The following PRDX3 variants were observed in gnomAD, a reference collection of about 807,000 sequenced individuals.
The protein encoded by PRDX3 is peroxiredoxin 3, also known as thioredoxin-dependent peroxide reductase, mitochondrial.
In PRDX3, 20 loss-of-function variants were observed where a neutral mutation model predicts 30.4. That is an observed-to-expected ratio of 0.66 (90% CI 0.46 to 0.96). PRDX3 has a LOEUF of 0.96. Ranked by LOEUF, PRDX3 falls within the 40% of genes least tolerant of loss-of-function variation. PRDX3 has a pLI of 0.00. For synonymous variants in PRDX3, 124 were observed against 117.8 expected (o/e 1.05, Z -0.34); for missense variants, 322 against 318.3 (o/e 1.01, Z -0.09).
chr10:119,173,835 C>T lies in PRDX3; in HGVS notation c.349G>A (p.Asp117Asn). The T allele has an allele frequency of 6.2e-7, 1 of 1,611,090 alleles. No individual in the cohort carries two copies. Among genetic ancestry groups the T allele is most frequent in the Non-Finnish European group, 8.5e-7 (1 of 1,177,814 alleles). ...ACGTCGTGAAATTCGTTAGCTTTGT[C>T]ACTAAAAGCAACAATTTCTGTAGGA... ...VCPTEIVAFS[D>N]KANEFHDVNC... Residue 117 changes from aspartate (D) to asparagine (N), a missense_variant, in exon 4 of 7, where the codon GAC becomes AAC. Asp to Asn is a conservative substitution (Grantham distance 23). Coordinates refer to ENST00000298510, the MANE Select transcript of PRDX3 (RefSeq NM_006793.5).
At chr10:119,171,778 C>T (rs533106096) in intron 5 of PRDX3, among the ~76,000 whole-genome samples, 5 of 152,334 alleles carry the variant, frequency 3.3e-5, no homozygotes, top group Non-Finnish European at 5.9e-5. Flanking sequence ...CAAAGTCACA[C>T]AGCTATTAAG....
chr10:119,177,727 G>A (rs1386449959), intron 1 of PRDX3, among the ~76,000 whole-genome samples: 3 of 140,164 alleles, frequency 2.1e-5, no homozygotes, highest in African/African-American at 8.3e-5. Context: ...GACTTGTGCA[G>A]GCTTTTCCCA....
In PRDX3 at chr10:119,176,164, A is replaced by G. The variant is rs563202482; in HGVS notation, c.169+857T>C. ...AAGGAATGGATGCAAGAGATGTGTC[A>G]AAACTGAAAAGGACTTGCTTCTACC... On this transcript the variant is annotated intron_variant, in intron 2 of 6. Coordinates refer to ENST00000298510, the MANE Select transcript of PRDX3 (RefSeq NM_006793.5). Among the ~76,000 whole-genome samples the G allele has an allele frequency of 2.0e-5, 3 of 152,290 alleles. No homozygotes were observed. In the South Asian group the frequency reaches 6.2e-4, roughly 32 times the overall value.
intron 2 of PRDX3, among the ~76,000 whole-genome samples, chr10:119,174,957 T>A (rs1355869718): frequency 6.6e-6 from 1 of 152,112 alleles, no homozygotes; most frequent in African/African-American, 2.4e-5. Context: ...AAAAAGACTT[T>A]GTGTTCAGTA....
rs1278467620 is a variant in PRDX3, at chr10:119,174,542, C to G, written c.220G>C (p.Gly74Arg). 1.9e-6 allele frequency: 3 copies of G among 1,611,454 alleles called. No homozygotes were observed. In the South Asian group the frequency reaches 3.3e-5, roughly 18 times the overall value. The change falls in exon 3 of 7, where the codon GGT becomes CGT. Residue 74 changes from glycine to arginine, a missense_variant. By Grantham distance (125) the Gly-to-Arg change is moderately radical. Coordinates refer to ENST00000298510, the MANE Select transcript of PRDX3 (RefSeq NM_006793.5). ...AACTCTCCATTGACAACGGCTGTACCCTTAAAATAGGGTGCATGCTGGGTG... is the reference window on the plus strand; with the variant it reads ...AACTCTCCATTGACAACGGCTGTACGCTTAAAATAGGGTGCATGCTGGGTG... ...AVTQHAPYFK[G>R]TAVVNGEFKD...
chr10:119,168,259 C>A lies in PRDX3; in HGVS notation c.*221G>T. ...TGTTCTGTAGAAACTAGCTAGCCAGCCACCAAGATGTTACCAATAAAGGAT... is the reference window on the plus strand; with the variant it reads ...TGTTCTGTAGAAACTAGCTAGCCAGACACCAAGATGTTACCAATAAAGGAT... On this transcript the variant is annotated 3_prime_UTR_variant, in exon 7 of 7. Transcript: ENST00000298510. The A allele has an allele frequency of 1.1e-6, 1 of 874,950 alleles. No homozygotes were observed. The highest frequency in any genetic ancestry group is 1.7e-5 in the African/African-American group (1 of 57,300). The allele number at this position is 874,950 out of a possible 1,614,324, so 54.2% of individuals were successfully genotyped here.
chr10:119,175,581 G>T lies in PRDX3; in HGVS notation c.170-989C>A, dbSNP rs35920416. ...CGGCTAATTTTTTGTATTTTTAGTAGAGATGGGGTTTCACCGTGTTAGCCA... is the reference window on the plus strand; with the variant it reads ...CGGCTAATTTTTTGTATTTTTAGTATAGATGGGGTTTCACCGTGTTAGCCA... On this transcript the variant is annotated intron_variant, in intron 2 of 6. Coordinates refer to ENST00000298510, the MANE Select transcript of PRDX3 (RefSeq NM_006793.5). Among the ~76,000 whole-genome samples, 1,169 of 152,044 alleles carry T rather than the reference G, an allele frequency of 7.7e-3. 20 individuals are homozygous for T. The highest frequency in any genetic ancestry group is 0.026 in the African/African-American group (1,098 of 41,470).
intron 5 of PRDX3, among the ~76,000 whole-genome samples, chr10:119,171,410 CT>C (rs1847905954): frequency 6.6e-6 from 1 of 152,160 alleles, no homozygotes; most frequent in Non-Finnish European, 1.5e-5. Context: ...GGGGGATCCC[CT>C]CTCTTCCTTC....
intron 2 of PRDX3, among the ~76,000 whole-genome samples, chr10:119,175,864 C>T (rs1376846434): frequency 6.7e-6 from 1 of 149,880 alleles, no homozygotes; most frequent in Non-Finnish European, 1.5e-5. Context: ...CTGCAACCTC[C>T]GCCTCCCAGG....
rs1026575086 is a variant in PRDX3 at position 119,178,603 on chromosome 10, T to C, written c.36+152A>G. 1.1e-5 allele frequency: 11 copies of C among 982,762 alleles called. No individual in the cohort carries two copies. The Admixed American group carries it at 1.6e-4, about 14-fold the overall frequency. 60.9% of individuals were successfully genotyped at this position (982,762 alleles called of 1,614,324 possible). On this transcript the variant is annotated intron_variant, in intron 1 of 6. Transcript: ENST00000298510. ...GGTTCTGCGCAGGCGCATGGAACCT[T>C]CCCGGAGGGAGGCCTCTGGGTCCGT...
intron 1 of PRDX3, among the ~76,000 whole-genome samples, chr10:119,178,545 G>C (rs1014933091): frequency 1.3e-5 from 2 of 152,232 alleles, no homozygotes; most frequent in Non-Finnish European, 2.9e-5. Flanking sequence ...AGGGACTCGG[G>C]GAAGAGACCG....
At position 119,168,353 on chromosome 10, in the gene PRDX3, T is replaced by C. The variant is rs1847815740; in HGVS notation, c.*127A>G. ...AATTACAAAAACAAAACATTTAGAG[T>C]AATACTTATGAATACAAGCATAATT... On this transcript the variant is annotated 3_prime_UTR_variant, in exon 7 of 7. Transcript: ENST00000298510. 2.6e-6 allele frequency: 4 copies of C among 1,514,394 alleles called. No homozygotes were observed. Among genetic ancestry groups the C allele is most frequent in the Non-Finnish European group, 2.6e-6 (3 of 1,138,280 alleles). The allele number at this position is 1,514,394 out of a possible 1,614,324, so 93.8% of individuals were successfully genotyped here.
intron 3 of PRDX3, 23 bp from the exon 4 acceptor site, chr10:119,173,895 C>G (rs761844887): frequency 1.9e-6 from 3 of 1,583,966 alleles, no homozygotes; most frequent in Non-Finnish European, 1.7e-6. Context: ...GATAGAAATT[C>G]TCATTAGAGC....
intron 4 of PRDX3, 152 bp from the exon 5 acceptor site, chr10:119,172,637 C>T: frequency 1.5e-6 from 1 of 673,028 alleles, no homozygotes; most frequent in South Asian, 1.7e-5. Context: ...CTACTGCCTC[C>T]TCGAAACCAC....
chr10:119,170,685 A>C (rs1342622317), intron 5 of PRDX3: 1 of 151,986 alleles, frequency 6.6e-6, no homozygotes, highest in Non-Finnish European at 1.5e-5. Flanking sequence ...CACGAAGTCA[A>C]GAGTTTTGAG....
At chr10:119,177,826 A>G (rs1848075473) in intron 1 of PRDX3, among the ~76,000 whole-genome samples, 1 of 150,464 alleles carries the variant, frequency 6.6e-6, no homozygotes, top group African/African-American at 2.4e-5. Flanking sequence ...AAACAAGAAG[A>G]GCCAAATTCA....
At chr10:119,168,574 CATA>C (rs1179182947) in intron 6 of PRDX3, 41 bp from the exon 7 acceptor site, 10 of 1,609,854 alleles carry the variant, frequency 6.2e-6, no homozygotes, top group East Asian at 4.5e-5. Flanking sequence ...GTGACTTTAC[CATA>C]ATAATAGTCC....
chr10:119,169,107 A>G (rs553823876), intron 6 of PRDX3, 70 bp downstream of exon 6: 50 of 1,520,664 alleles, frequency 3.3e-5, no homozygotes, highest in South Asian at 3.5e-5. Flanking sequence ...CCTTTTGTGG[A>G]TATTTCAGGT....
At chr10:119,169,645 A>G (rs1847858467) in intron 5 of PRDX3, 2 of 206,276 alleles carry the variant, frequency 9.7e-6, no homozygotes, top group African/African-American at 4.6e-5. Flanking sequence ...TAGAGAGAGC[A>G]AAGACTATTA....
Sources: gnomAD v4.1 joint callset for allele counts (sites outside exome capture counted in the v4.1 genomes callset) on GRCh38, gnomAD v4.1.1 for gene constraint, MANE v1.5 for transcripts, NCBI Gene and HGNC (gene_info 2026-07-23, HGNC 2026-07-21) for gene names.